The following EPC1 variants were observed in gnomAD, a reference collection of about 807,000 sequenced individuals.
EPC1 encodes enhancer of polycomb 1, also known as enhancer of polycomb homolog 1.
EPC1 carries 12 observed loss-of-function variants against 98.4 expected under a neutral mutation model. The ratio of observed to expected loss-of-function variants is 0.12; its 90% confidence interval spans 0.08 to 0.20. The LOEUF (loss-of-function observed/expected upper bound fraction) is 0.20. Ranked by LOEUF, EPC1 falls within the 10% of genes least tolerant of loss-of-function variation. The pLI, the probability that EPC1 is intolerant of heterozygous loss-of-function variation, is 1.00. For missense variants in EPC1, 729 were observed against 990.5 expected, an observed-to-expected ratio of 0.74 and a Z score of 3.54; for synonymous variants, 357 against 363.9, an observed-to-expected ratio of 0.98 and a Z score of 0.21.
chr10:32,292,342 A>G (rs1834897500), intron 5 of EPC1, 154 bp downstream of exon 5: 2 of 503,038 alleles, frequency 4.0e-6, no homozygotes, highest in African/African-American at 2.0e-5. Context: ...AAAACATGTA[A>G]AAGTATAAAA....
chr10:32,333,453 T>C (rs1480990430), intron 1 of EPC1, among the ~76,000 whole-genome samples: 1 of 152,190 alleles, frequency 6.6e-6, no homozygotes, highest in African/African-American at 2.4e-5. Context: ...TTCTGCTATA[T>C]ACAGCAAAAA....
Position 32,272,937 on chromosome 10 carries a change from A to G in EPC1, c.1863+226T>C, listed in dbSNP as rs780659098. On this transcript the variant is annotated intron_variant, in intron 11 of 13. Coordinates refer to ENST00000319778, the MANE Select transcript of EPC1 (RefSeq NM_001272004.3). The stretch of plus-strand genomic sequence containing the variant: ...ACTACAGGTCAGACGGGAAGACAGT[A>G]TCTTCATCTCATTTAACTAAGTGCT... 1.7e-5 allele frequency: 20 copies of G among 1,153,298 alleles called. 1 individual carries two copies. The highest frequency in any genetic ancestry group is 2.2e-5 in the Non-Finnish European group (17 of 776,734). The allele number at this position is 1,153,298 out of a possible 1,614,324, so 71.4% of individuals were successfully genotyped here.
intron 1 of EPC1, among the ~76,000 whole-genome samples, chr10:32,341,353 T>C (rs1230539928): frequency 8.5e-6 from 1 of 117,412 alleles, no homozygotes; most frequent in Non-Finnish European, 2.0e-5. Context: ...ATAGATTCTA[T>C]GTTTCTACCA....
intron 1 of EPC1, chr10:32,345,528 T>C: frequency 4.1e-6 from 4 of 985,500 alleles, no homozygotes; most frequent in African/African-American, 1.7e-5. Flanking sequence ...TTCCTTGAAC[T>C]GTCAATACAC....
chr10:32,336,975 CTGT>C (rs1838014063), intron 1 of EPC1, among the ~76,000 whole-genome samples: 1 of 152,132 alleles, frequency 6.6e-6, no homozygotes, highest in Non-Finnish European at 1.5e-5. Flanking sequence ...TTCTATGTCT[CTGT>C]TAATTTTTTC....
At chr10:32,372,776 C>T (rs1439611759) in intron 1 of EPC1, among the ~76,000 whole-genome samples, 1 of 152,234 alleles carries the variant, frequency 6.6e-6, no homozygotes, top group African/African-American at 2.4e-5. Context: ...AATCCCAGCA[C>T]TTTGGCAGCC....
chr10:32,306,650 TAC>T (rs1835891264), intron 1 of EPC1, among the ~76,000 whole-genome samples: 5 of 152,186 alleles, frequency 3.3e-5, no homozygotes, highest in Admixed American at 1.3e-4. Flanking sequence ...GAATCTACTG[TAC>T]AGAGTTGGAG....
At position 32,354,544 on chromosome 10, in the gene EPC1, A is replaced by G. The variant is rs564752434; in HGVS notation, c.3+23947T>C. On this transcript the variant is annotated intron_variant, in intron 1 of 13. Transcript: ENST00000375110. ...TATTGGGATTTAAAAAAGATGTCAC[A>G]CAATACATTTTAGATTTTCTATGTA... Among the ~76,000 whole-genome samples the G allele has an allele frequency of 1.3e-5, 2 of 152,278 alleles. 1 individual carries two copies. Among genetic ancestry groups the G allele is most frequent in the South Asian group, 4.1e-4 (2 of 4,826 alleles).
intron 5 of EPC1, 52 bp downstream of exon 5, chr10:32,292,444 C>T: frequency 7.6e-7 from 1 of 1,319,712 alleles, no homozygotes; most frequent in South Asian, 1.6e-5. Context: ...ACTCAATATA[C>T]AAAATGTTAA....
chr10:32,268,696 C>A lies in EPC1; in HGVS notation c.*367G>T. On this transcript the variant is annotated 3_prime_UTR_variant, in exon 14 of 14. Coordinates refer to ENST00000319778, the MANE Select transcript of EPC1 (RefSeq NM_001272004.3). ...CCGCACCATGCACATGATGTGATGA[C>A]ACTTCATCTCTATACAATCTCACAT... 1.2e-5 allele frequency: 2 copies of A among 167,258 alleles called. No homozygotes were observed. The highest frequency in any genetic ancestry group is 2.6e-5 in the Non-Finnish European group (2 of 77,820). The allele number at this position is 167,258 out of a possible 1,614,324, so 10.4% of individuals were successfully genotyped here. A position where few individuals can be genotyped will look rare whatever the true frequency, so the allele number is the denominator to read the frequency against.
intron 1 of EPC1, among the ~76,000 whole-genome samples, chr10:32,359,027 A>G (rs116572914): frequency 1.3e-5 from 2 of 152,176 alleles, no homozygotes; most frequent in African/African-American, 4.8e-5. Flanking sequence ...ACTGATGCTT[A>G]GCACAGTATT....
At chr10:32,345,729 T>G in intron 1 of EPC1, 1 of 690,976 alleles carries the variant, frequency 1.4e-6, no homozygotes, top group Non-Finnish European at 1.8e-6. Flanking sequence ...TGTCAACATT[T>G]ACGTGCTGAA....
chr10:32,356,980 C>A (rs1267372504), intron 1 of EPC1, among the ~76,000 whole-genome samples: 1 of 151,780 alleles, frequency 6.6e-6, no homozygotes, highest in Non-Finnish European at 1.5e-5. Context: ...GACTCCGCAT[C>A]AAAAAAATAA....
chr10:32,328,491 A>G (rs901830777), intron 1 of EPC1, among the ~76,000 whole-genome samples: 5 of 152,226 alleles, frequency 3.3e-5, no homozygotes, highest in Admixed American at 6.5e-5. Flanking sequence ...TAAGTCTCCA[A>G]CTTTCTATAG....
At chr10:32,294,890 T>G (rs1835057027) in intron 2 of EPC1, among the ~76,000 whole-genome samples, 1 of 152,202 alleles carries the variant, frequency 6.6e-6, no homozygotes, top group East Asian at 1.9e-4. Flanking sequence ...CAGATTTCAT[T>G]GATTTCATGC....
intron 1 of EPC1, among the ~76,000 whole-genome samples, chr10:32,318,305 CTGTT>C (rs995027315): frequency 3.9e-5 from 6 of 152,222 alleles, no homozygotes; most frequent in South Asian, 2.1e-4. Context: ...ACAAATGTGT[CTGTT>C]TTTTTCTAAA....
chr10:32,290,036 C>T (rs35504978), intron 6 of EPC1, among the ~76,000 whole-genome samples: 12,909 of 152,218 alleles, frequency 0.085, 602 homozygotes, highest in Admixed American at 0.12. Context: ...TTTTCCTTCA[C>T]TAATTTTATT....
upstream of EPC1, among the ~76,000 whole-genome samples, chr10:32,349,645 A>G (rs1210715593): frequency 6.6e-6 from 1 of 152,154 alleles, no homozygotes; most frequent in Non-Finnish European, 1.5e-5. Flanking sequence ...TCTATCTCCC[A>G]GGCCTGAGTT....
At chr10:32,333,663 C>A (rs576191405) in intron 1 of EPC1, among the ~76,000 whole-genome samples, 1 of 152,236 alleles carries the variant, frequency 6.6e-6, no homozygotes, top group East Asian at 1.9e-4. Context: ...CTGTTAAGAG[C>A]TCAGAAATAC....
Sources: gnomAD v4.1 joint callset for allele counts (sites outside exome capture counted in the v4.1 genomes callset) on GRCh38, gnomAD v4.1.1 for gene constraint, MANE v1.5 for transcripts, NCBI Gene and HGNC (gene_info 2026-07-23, HGNC 2026-07-21) for gene names.